PDE4D: variants seen among roughly 807,000 people sequenced by gnomAD.
The protein encoded by PDE4D is phosphodiesterase 4D.
PDE4D carries 24 observed loss-of-function variants against 87.4 expected under a neutral mutation model. The ratio of observed to expected loss-of-function variants is 0.27; its 90% CI spans 0.20 to 0.39. The LOEUF (loss-of-function observed/expected upper bound fraction) is 0.39. PDE4D is among the 10% of genes least tolerant of loss of function. PDE4D has a pLI of 1.00. For missense variants in PDE4D, 714 were observed against 1,041.0 expected (o/e 0.69, Z 4.32); for synonymous variants, 384 against 383.2 (o/e 1.00, Z -0.02).
In PDE4D at chr5:58,975,228, A is replaced by G; in HGVS notation, c.2014-148T>C. ...AAAATTGTCACTATTTTCAACAACA[A>G]CAGACCATTTAAAGTAAAGTATTGC... is the stretch of plus-strand genomic sequence containing the variant. On this transcript the variant is annotated intron_variant, in intron 14 of 14. Coordinates refer to ENST00000340635, the MANE Select transcript of PDE4D (RefSeq NM_001104631.2). The surrounding 1 kb of genome is among the most constrained non-coding windows in gnomAD (Gnocchi z 4.2). The G allele has an allele frequency of 4.0e-6, 2 of 494,610 alleles. No homozygotes were observed. The highest frequency in any genetic ancestry group is 7.0e-6 in the Non-Finnish European group (2 of 286,390). 30.6% of individuals were successfully genotyped at this position (494,610 alleles called of 1,614,324 possible).
chr5:60,085,663 G>C (rs1273025938), intron 2 of PDE4D, among the ~76,000 whole-genome samples: 12 of 152,188 alleles, frequency 7.9e-5, no homozygotes, highest in Non-Finnish European at 1.3e-4. Flanking sequence ...GACGAGGTGA[G>C]TCTCTGAGGC....
intron 1 of PDE4D, among the ~76,000 whole-genome samples, chr5:59,324,592 CAT>C (rs766016782): frequency 6.6e-6 from 1 of 152,106 alleles, no homozygotes; most frequent in Non-Finnish European, 1.5e-5. Context: ...TCTGACTGGC[CAT>C]AGTTATCTGC....
At chr5:59,762,516 A>G (rs1762197158) in intron 1 of PDE4D, among the ~76,000 whole-genome samples, 1 of 122,200 alleles carries the variant, frequency 8.2e-6, no homozygotes, top group Non-Finnish European at 1.7e-5. Context: ...ATATGTGTAT[A>G]TGTGTATATG....
chr5:59,206,993 G>A (rs1344057492), intron 2 of PDE4D, among the ~76,000 whole-genome samples: 1 of 151,844 alleles, frequency 6.6e-6, no homozygotes, highest in East Asian at 1.9e-4. Context: ...GACCAACCTG[G>A]GCAACATAGC....
intron 5 of PDE4D, among the ~76,000 whole-genome samples, chr5:59,167,762 T>C (rs1457354288): frequency 1.3e-5 from 2 of 152,178 alleles, no homozygotes; most frequent in African/African-American, 4.8e-5. Flanking sequence ...ACAGAACACA[T>C]TTTAGCTTTT....
chr5:60,465,313 T>C (rs926602411), intron 1 of PDE4D, among the ~76,000 whole-genome samples: 1 of 152,156 alleles, frequency 6.6e-6, no homozygotes, highest in Admixed American at 6.6e-5. Flanking sequence ...ATCATTTTCC[T>C]AAGTTAGTTT....
At chr5:59,730,119 A>C (rs1428392008) in intron 1 of PDE4D, among the ~76,000 whole-genome samples, 1 of 152,108 alleles carries the variant, frequency 6.6e-6, no homozygotes, top group Admixed American at 6.6e-5. Context: ...AATACTTCTC[A>C]ATCTAAATGA....
At chr5:60,501,640 C>A (rs1302467488) in intron 1 of PDE4D, among the ~76,000 whole-genome samples, 3 of 151,522 alleles carry the variant, frequency 2.0e-5, no homozygotes, top group Non-Finnish European at 4.4e-5. Context: ...GTTCCTATTT[C>A]TCCACATCCT....
chr5:60,276,839 T>G (rs1335867798), intron 1 of PDE4D, among the ~76,000 whole-genome samples: 1 of 152,102 alleles, frequency 6.6e-6, no homozygotes. Flanking sequence ...GAGGTCTACC[T>G]TATCAGATAG....
chr5:59,293,277 C>A (rs748219211), intron 1 of PDE4D, among the ~76,000 whole-genome samples: 2 of 151,986 alleles, frequency 1.3e-5, no homozygotes, highest in African/African-American at 4.8e-5. Flanking sequence ...CTTTTAAATA[C>A]CTGGTGAGTG....
intron 1 of PDE4D, among the ~76,000 whole-genome samples, chr5:59,226,811 A>G (rs1334247059): frequency 6.6e-6 from 1 of 152,120 alleles, no homozygotes; most frequent in Non-Finnish European, 1.5e-5. Context: ...GTAAACATAT[A>G]CATTCAATCA....
intron 5 of PDE4D, among the ~76,000 whole-genome samples, chr5:59,109,389 T>C (rs1772223817): frequency 6.6e-6 from 1 of 152,246 alleles, no homozygotes; most frequent in Non-Finnish European, 1.5e-5. Flanking sequence ...GTATGGGTGC[T>C]ATAAGAAGCT....
intron 1 of PDE4D, among the ~76,000 whole-genome samples, chr5:60,331,581 C>A (rs1197717107): frequency 6.6e-6 from 1 of 152,180 alleles, no homozygotes; most frequent in Non-Finnish European, 1.5e-5. Flanking sequence ...TTTTGGACTA[C>A]CCTGGCAGGA....
chr5:59,119,869 G>C (rs1027163350), intron 5 of PDE4D, among the ~76,000 whole-genome samples: 3 of 152,150 alleles, frequency 2.0e-5, no homozygotes, highest in Admixed American at 2.0e-4. Flanking sequence ...TTTTGAGATG[G>C]GGTCTTGTTC....
intron 1 of PDE4D, among the ~76,000 whole-genome samples, chr5:60,415,681 C>T (rs376951451): frequency 2.0e-4 from 31 of 152,348 alleles, no homozygotes; most frequent in South Asian, 8.3e-4. Context: ...AGTGCGGCCA[C>T]GCCTGAGTCT....
intron 2 of PDE4D, among the ~76,000 whole-genome samples, chr5:59,201,243 A>G (rs1042973702): frequency 6.6e-6 from 1 of 152,118 alleles, no homozygotes; most frequent in East Asian, 1.9e-4. Flanking sequence ...AAATATTAAA[A>G]TGCTACATGA....
At chr5:59,269,436 A>C (rs1289142701) in intron 1 of PDE4D, among the ~76,000 whole-genome samples, 1 of 152,166 alleles carries the variant, frequency 6.6e-6, no homozygotes, top group Non-Finnish European at 1.5e-5. Context: ...AAGTGGGAAA[A>C]GTTACATAAC....
chr5:58,998,532 A>G (rs13355401), intron 6 of PDE4D, among the ~76,000 whole-genome samples: 15,186 of 152,218 alleles, frequency 0.1, 1,023 homozygotes, highest in Non-Finnish European at 0.13. Context: ...ACAGATTTAA[A>G]GGGAGGTAAG....
At chr5:59,468,692 C>CT (rs565951857) in intron 1 of PDE4D, among the ~76,000 whole-genome samples, 1 of 152,268 alleles carries the variant, frequency 6.6e-6, no homozygotes, top group South Asian at 2.1e-4. Context: ...TTTATTTTCA[C>CT]TTTTTTAAAC....
Sources: allele counts gnomAD v4.1 joint callset (sites outside exome capture counted in the v4.1 genomes callset), GRCh38; gene constraint gnomAD v4.1.1; non-coding constraint Gnocchi (gnomAD v3.1); transcripts MANE v1.5; gene names NCBI Gene and HGNC (gene_info 2026-07-23, HGNC 2026-07-21).